The following RIMS3 variants were observed in gnomAD, a reference collection of about 807,000 sequenced individuals.
The protein encoded by RIMS3 is regulating synaptic membrane exocytosis 3.
RIMS3 carries 15 observed loss-of-function variants against 29.2 expected under a neutral mutation model. The observed-to-expected ratio is 0.51, with a 90% CI of 0.34 to 0.79. RIMS3 has a LOEUF of 0.79. Among genes scored for constraint, RIMS3 ranks in the 30% least tolerant of loss-of-function variants. The pLI is 0.01. For synonymous variants in RIMS3, 161 were observed against 170.1 expected, an observed-to-expected ratio of 0.95 and a Z score of 0.41; for missense variants, 342 against 421.4, an observed-to-expected ratio of 0.81 and a Z score of 1.65.
Position 40,629,317 on chromosome 1 carries a change from A to C in RIMS3, c.528T>G (p.Ile176Met), listed in dbSNP as rs377357860. 2.5e-6 allele frequency: 4 copies of C among 1,614,028 alleles called. No individual in the cohort carries two copies. The highest frequency in any genetic ancestry group is 3.4e-6 in the Non-Finnish European group (4 of 1,180,022). Reference sequence around the variant, plus strand: ...GTTTGGGGGTCAGGCCCCGAGCTTCAATCACTTCCACCTCCAGCTGGCCAC... The same window carrying C: ...GTTTGGGGGTCAGGCCCCGAGCTTCCATCACTTCCACCTCCAGCTGGCCAC... The part of the protein sequence containing the change: ...DRSGQLEVEV[I>M]EARGLTPKPG... The change falls in exon 6 of 8, where the codon ATT becomes ATG. Residue 176 changes from isoleucine to methionine, a missense_variant. By Grantham distance (10) the Ile-to-Met change is conservative (BLOSUM62 1). Coordinates refer to ENST00000372684, the MANE Select transcript of RIMS3 (RefSeq NM_014747.3).
At chr1:40,672,941 A>T in the RIMS3 span, among the ~76,000 whole-genome samples, 1 of 151,824 alleles carries the variant, frequency 6.6e-6, no homozygotes, top group African/African-American at 2.4e-5. Flanking sequence ...GCACTGTGGA[A>T]GGCCAAGGCA....
In RIMS3 at chr1:40,654,409, C is replaced by G. The variant is rs554826154; in HGVS notation, c.-206-6567G>C. On this transcript the variant is annotated intron_variant, in intron 1 of 7. Transcript: ENST00000372684. The surrounding 1 kb of genome is among the most constrained non-coding windows in gnomAD (Gnocchi z 5.3). ...CCCTTTCAGGGCACAAAGACCCGCA[C>G]GCAAGCCATACACCTCCGGTTGGCC... 1.3e-5 allele frequency among the ~76,000 whole-genome samples: 2 copies of G among 152,164 alleles called. No homozygotes were observed. Among genetic ancestry groups the G allele is most frequent in the African/African-American group, 4.8e-5 (2 of 41,420 alleles).
chr1:40,686,262 CTA>C, the RIMS3 span, among the ~76,000 whole-genome samples: 2 of 152,190 alleles, frequency 1.3e-5, no homozygotes, highest in South Asian at 4.1e-4. Context: ...AATTCGAACT[CTA>C]TATATCCAAA....
At position 40,641,891 on chromosome 1, in the gene RIMS3, C is replaced by G. The variant is rs551200867; in HGVS notation, c.35G>C (p.Gly12Ala). The G allele has an allele frequency of 6.2e-7, 1 of 1,613,596 alleles. No homozygotes were observed. Among genetic ancestry groups the G allele is most frequent in the Admixed American group, 1.7e-5 (1 of 60,004 alleles). The change falls in exon 3 of 8, where the codon GGG (glycine) becomes GCG (alanine). Residue 12 changes from glycine to alanine, a missense_variant. Physicochemically the swap from Gly to Ala is moderately conservative, Grantham distance 60. Transcript: ENST00000372684. ...GCTCCGCACCACATTCCTGGAGGCC[C>G]CAGATGAGGCAGGACCTGGCTCCCC... is the stretch of plus-strand genomic sequence containing the variant. ...FNGEPGPASS[G>A]ASRNVVRSSS...
intron 1 of RIMS3, among the ~76,000 whole-genome samples, chr1:40,659,036 CTT>C (rs1166438497): frequency 1.3e-5 from 2 of 152,180 alleles, no homozygotes; most frequent in Non-Finnish European, 2.9e-5. Flanking sequence ...GAGATGTAGA[CTT>C]TGCACAGATG....
In RIMS3 at chr1:40,620,706, T is replaced by TC. The variant is rs1228986388; in HGVS notation, c.*5810_*5811insG. On this transcript the variant is annotated 3_prime_UTR_variant, in exon 8 of 8. Transcript: ENST00000372684. Reference sequence around the variant, plus strand: ...CATTTTCAAACTGACTTTAATCATGTTTTGCTGCCCAAATACTGTACATGC... The same window carrying TC: ...CATTTTCAAACTGACTTTAATCATGTCTTTGCTGCCCAAATACTGTACATGC... 6.6e-6 allele frequency: 1 copy of TC among 152,638 alleles called. No individual in the cohort carries two copies. The highest frequency in any genetic ancestry group is 2.4e-5 in the African/African-American group (1 of 41,450). 9.5% of individuals were successfully genotyped at this position (152,638 alleles called of 1,614,324 possible).
the RIMS3 span, chr1:40,691,533 T>C: frequency 1.0e-5 from 3 of 299,316 alleles, no homozygotes; most frequent in South Asian, 7.0e-5. Flanking sequence ...AAAACTCAGA[T>C]CTCGAGCTCC....
At chr1:40,657,746 C>CA (rs34448324) in intron 1 of RIMS3, among the ~76,000 whole-genome samples, 2,227 of 87,942 alleles carry the variant, frequency 0.025, 32 homozygotes, top group South Asian at 0.078. Flanking sequence ...GACAATGTCT[C>CA]AAAAAAAAAA....
chr1:40,634,656 G>A (rs761934818), intron 4 of RIMS3, among the ~76,000 whole-genome samples: 4 of 152,134 alleles, frequency 2.6e-5, no homozygotes, highest in Non-Finnish European at 5.9e-5. Flanking sequence ...AGTGTTAAAT[G>A]ATCCCTGTTA....
Position 40,624,379 on chromosome 1 carries a change from C to T in RIMS3, c.*2138G>A, listed in dbSNP as rs1050143084. The T allele has an allele frequency of 1.2e-4, 18 of 152,210 alleles. No homozygotes were observed. Among genetic ancestry groups the T allele is most frequent in the Admixed American group, 1.3e-4 (2 of 15,280 alleles). The allele number at this position is 152,210 out of a possible 1,614,324, so 9.4% of individuals were successfully genotyped here. A position where few individuals can be genotyped will look rare whatever the true frequency, so the allele number is the denominator to read the frequency against. The stretch of plus-strand genomic sequence containing the variant: ...AGGAGATTAAAATACCCTTTTGCAA[C>T]GGAGTTTCCTTCTTGATCCCCCACT... On this transcript the variant is annotated 3_prime_UTR_variant, in exon 8 of 8. Coordinates refer to ENST00000372684, the MANE Select transcript of RIMS3 (RefSeq NM_014747.3).
rs1252628291 is a variant in RIMS3, at chr1:40,626,064, A to G, written c.*453T>C. The G allele has an allele frequency of 4.9e-6, 1 of 202,168 alleles. No individual in the cohort carries two copies. 12.5% of individuals were successfully genotyped at this position (202,168 alleles called of 1,614,324 possible). A position where few individuals can be genotyped will look rare whatever the true frequency, so the allele number is the denominator to read the frequency against. On this transcript the variant is annotated 3_prime_UTR_variant, in exon 8 of 8. Transcript: ENST00000372684. The stretch of plus-strand genomic sequence containing the variant: ...TCAAGAGTGGAACAAAAGACAAGAC[A>G]GAAAACAAAGCAGAGACCACCAGGA...
Position 40,623,590 on chromosome 1 carries a change from C to T in RIMS3, c.*2927G>A, listed in dbSNP as rs1407640509. 7.5e-6 allele frequency: 3 copies of T among 398,382 alleles called. No homozygotes were observed. Among genetic ancestry groups the T allele is most frequent in the African/African-American group, 2.1e-5 (1 of 48,614 alleles). The allele number at this position is 398,382 out of a possible 1,614,324, so 24.7% of individuals were successfully genotyped here. A position where few individuals can be genotyped will look rare whatever the true frequency, so the allele number is the denominator to read the frequency against. ...ATCTGGGCAAGGGGGCATTTGGAGC[C>T]GGGACACTGAACATGGCAGTGAGTT... On this transcript the variant is annotated 3_prime_UTR_variant, in exon 8 of 8. Transcript: ENST00000372684.
chr1:40,646,265 G>A (rs922847164), intron 2 of RIMS3, among the ~76,000 whole-genome samples: 30 of 152,110 alleles, frequency 2.0e-4, no homozygotes, highest in African/African-American at 6.5e-4. Context: ...ACATGCCAAA[G>A]TTACAGATAG....
chr1:40,670,094 A>G (rs556145074), upstream of RIMS3, among the ~76,000 whole-genome samples: 1 of 152,276 alleles, frequency 6.6e-6, no homozygotes, highest in South Asian at 2.1e-4. Flanking sequence ...AAACTTTTAC[A>G]CAAGAGAAAT....
At chr1:40,634,617 T>C (rs1415344542) in intron 4 of RIMS3, among the ~76,000 whole-genome samples, 3 of 152,076 alleles carry the variant, frequency 2.0e-5, no homozygotes, top group Non-Finnish European at 4.4e-5. Context: ...GAGATAATGG[T>C]AATACCCACA....
chr1:40,632,419 TA>T (rs1646494737), intron 5 of RIMS3, among the ~76,000 whole-genome samples: 23 of 3,256 alleles, frequency 7.1e-3, no homozygotes, highest in Middle Eastern at 0.25. Flanking sequence ...CATATAAATT[TA>T]TATATATATA....
the RIMS3 span, among the ~76,000 whole-genome samples, chr1:40,685,620 C>T: frequency 2.0e-5 from 3 of 151,794 alleles, no homozygotes; most frequent in Non-Finnish European, 2.9e-5. Flanking sequence ...CTAAAATCCC[C>T]GTTGGGCTCA....
At chr1:40,672,374 ATTT>A in the RIMS3 span, among the ~76,000 whole-genome samples, 1 of 151,630 alleles carries the variant, frequency 6.6e-6, no homozygotes, top group African/African-American at 2.4e-5. Flanking sequence ...AATTTTTTGT[ATTT>A]TTAGTAGAGA....
At position 40,623,331 on chromosome 1, in the gene RIMS3, T is replaced by G. The variant is rs1036892625; in HGVS notation, c.*3186A>C. 6.0e-5 allele frequency: 24 copies of G among 398,032 alleles called. No individual in the cohort carries two copies. Among genetic ancestry groups the G allele is most frequent in the Non-Finnish European group, 1.1e-4 (24 of 225,818 alleles). 24.7% of individuals were successfully genotyped at this position (398,032 alleles called of 1,614,324 possible). On this transcript the variant is annotated 3_prime_UTR_variant, in exon 8 of 8. Coordinates refer to ENST00000372684, the MANE Select transcript of RIMS3 (RefSeq NM_014747.3). ...AGACTTGGCTCCATTTACTGGAGCCTTTTTCATACCAAAAACCCATTGCAG... is the reference window on the plus strand; with the variant it reads ...AGACTTGGCTCCATTTACTGGAGCCGTTTTCATACCAAAAACCCATTGCAG...
Sources: gnomAD v4.1 joint callset for allele counts (sites outside exome capture counted in the v4.1 genomes callset) on GRCh38, gnomAD v4.1.1 for gene constraint, Gnocchi (gnomAD v3.1) non-coding constraint, MANE v1.5 for transcripts, NCBI Gene and HGNC (gene_info 2026-07-23, HGNC 2026-07-21) for gene names.